CAMK1D: variants seen among roughly 807,000 people sequenced by gnomAD.
CAMK1D encodes the protein calcium/calmodulin-dependent protein kinase type 1D.
Under a neutral mutation model 47.7 loss-of-function variants are expected in CAMK1D, and 9 were observed. The ratio of observed to expected loss-of-function variants is 0.19; its 90% confidence interval spans 0.11 to 0.33. The LOEUF (loss-of-function observed/expected upper bound fraction) is 0.33. CAMK1D is among the 10% of genes least tolerant of loss of function. The pLI, the probability that CAMK1D is intolerant of heterozygous loss-of-function variation, is 1.00. For missense variants in CAMK1D, 291 were observed against 488.7 expected, an observed-to-expected ratio of 0.60 and a Z score of 3.81; for synonymous variants, 184 against 184.9, an observed-to-expected ratio of 0.99 and a Z score of 0.04.
chr10:12,731,543 T>C (rs1243549648), intron 3 of CAMK1D, among the ~76,000 whole-genome samples: 2 of 152,194 alleles, frequency 1.3e-5, no homozygotes, highest in African/African-American at 2.4e-5. Flanking sequence ...GCTGCACTGG[T>C]GCAGGCACAG....
chr10:12,771,676 A>T (rs537776189), intron 5 of CAMK1D, among the ~76,000 whole-genome samples: 4 of 152,310 alleles, frequency 2.6e-5, no homozygotes, highest in African/African-American at 9.6e-5. Context: ...AGGGGGGCTC[A>T]ATTCCCTGGA....
chr10:12,526,973 C>T (rs187168122), intron 1 of CAMK1D, among the ~76,000 whole-genome samples: 4 of 151,334 alleles, frequency 2.6e-5, no homozygotes, highest in East Asian at 1.9e-4. Context: ...ATCGACTGAA[C>T]CAGGAGTTTG....
At chr10:12,826,605 T>A (rs1833218062) in intron 10 of CAMK1D, among the ~76,000 whole-genome samples, 1 of 152,260 alleles carries the variant, frequency 6.6e-6, no homozygotes, top group East Asian at 1.9e-4. Flanking sequence ...GCAGTGGCCC[T>A]AATCTCCCTA....
chr10:12,537,418 C>T (rs564167712), intron 1 of CAMK1D, among the ~76,000 whole-genome samples: 1 of 152,326 alleles, frequency 6.6e-6, no homozygotes, highest in Admixed American at 6.5e-5. Flanking sequence ...TGTAATTTAA[C>T]AGGTATAGCC....
At chr10:12,473,126 C>A (rs1833798574) in intron 1 of CAMK1D, among the ~76,000 whole-genome samples, 1 of 152,044 alleles carries the variant, frequency 6.6e-6, no homozygotes, top group Admixed American at 6.6e-5. Context: ...CAGGTGGAAG[C>A]AATGGTGGAT....
At chr10:12,423,696 A>G (rs1334366566) in intron 1 of CAMK1D, among the ~76,000 whole-genome samples, 1 of 152,206 alleles carries the variant, frequency 6.6e-6, no homozygotes, top group Non-Finnish European at 1.5e-5. Context: ...GATTCAAGCC[A>G]GCTTGAAACG....
chr10:12,483,600 G>A (rs1834125259), intron 1 of CAMK1D, among the ~76,000 whole-genome samples: 1 of 152,174 alleles, frequency 6.6e-6, no homozygotes, highest in Non-Finnish European at 1.5e-5. Context: ...CTGGCCTCAA[G>A]TGATCCTCTC....
chr10:12,523,069 G>A (rs1304038838), intron 1 of CAMK1D, among the ~76,000 whole-genome samples: 3 of 151,780 alleles, frequency 2.0e-5, no homozygotes, highest in Admixed American at 6.6e-5. Context: ...CTTCTCAGTC[G>A]GGGCGGCTGC....
At chr10:12,454,221 G>T (rs568646318) in intron 1 of CAMK1D, among the ~76,000 whole-genome samples, 1 of 152,322 alleles carries the variant, frequency 6.6e-6, no homozygotes, top group South Asian at 2.1e-4. Flanking sequence ...GGAGTGCAGT[G>T]ACGCGATTTC....
rs556273210 is a variant in CAMK1D at position 12,732,669 on chromosome 10, C to T, written c.300-28279C>T. On this transcript the variant is annotated intron_variant, in intron 3 of 10. Transcript: ENST00000619168. Reference sequence around the variant, plus strand: ...TGGGCCCCCATTATTCAATTACCCCCGCCCCCCCCGCCCCCTGTCCCTCCC... The same window carrying T: ...TGGGCCCCCATTATTCAATTACCCCTGCCCCCCCCGCCCCCTGTCCCTCCC... Among the ~76,000 whole-genome samples the T allele has an allele frequency of 9.4e-4, 115 of 122,112 alleles. No individual in the cohort carries two copies. The East Asian group carries it at 0.023, about 24-fold the overall frequency. 80.1% of individuals were successfully genotyped at this position (122,112 alleles called of 152,430 possible).
chr10:12,752,932 A>G (rs944051292), intron 3 of CAMK1D, among the ~76,000 whole-genome samples: 2 of 152,330 alleles, frequency 1.3e-5, no homozygotes, highest in East Asian at 3.9e-4. Context: ...AAATGACTTT[A>G]GTATCGGAAA....
intron 3 of CAMK1D, among the ~76,000 whole-genome samples, chr10:12,727,965 C>T (rs1352422403): frequency 6.6e-6 from 1 of 152,116 alleles, no homozygotes; most frequent in African/African-American, 2.4e-5. Flanking sequence ...GGGATTTCAC[C>T]ATGCTGGCCG....
chr10:12,782,166 C>T (rs547829779), intron 5 of CAMK1D, among the ~76,000 whole-genome samples: 2 of 152,244 alleles, frequency 1.3e-5, no homozygotes, highest in Non-Finnish European at 2.9e-5. Context: ...AGGCAGAGAA[C>T]GCTCCTGTGT....
intron 6 of CAMK1D, among the ~76,000 whole-genome samples, chr10:12,793,581 A>G (rs776217665): frequency 6.6e-6 from 1 of 152,266 alleles, no homozygotes; most frequent in Non-Finnish European, 1.5e-5. Flanking sequence ...CAAGGTATCA[A>G]CCAATTCGTT....
At chr10:12,450,832 A>G (rs1006266513) in intron 1 of CAMK1D, among the ~76,000 whole-genome samples, 3 of 152,086 alleles carry the variant, frequency 2.0e-5, no homozygotes, top group East Asian at 1.9e-4. Context: ...GTCTAAGGAA[A>G]CTCCCATTGT....
At chr10:12,387,445 T>TATA (rs1554763300) in intron 1 of CAMK1D, among the ~76,000 whole-genome samples, 4 of 66,652 alleles carry the variant, frequency 6.0e-5, no homozygotes, top group South Asian at 5.2e-4. Flanking sequence ...TATATATATT[T>TATA]TATATATATA....
intron 1 of CAMK1D, among the ~76,000 whole-genome samples, chr10:12,386,553 C>CTT (rs1338607398): frequency 6.6e-6 from 1 of 151,374 alleles, no homozygotes; most frequent in African/African-American, 2.4e-5. Context: ...ACTCTGCAGA[C>CTT]TTTAAGTTGC....
At chr10:12,466,685 G>C (rs906150512) in intron 1 of CAMK1D, among the ~76,000 whole-genome samples, 4 of 151,372 alleles carry the variant, frequency 2.6e-5, no homozygotes, top group African/African-American at 9.7e-5. Context: ...AAATACTTTG[G>C]TAAGTGCCAT....
In CAMK1D at chr10:12,737,686, C is replaced by T. The variant is rs74118557; in HGVS notation, c.300-23262C>T. Among the ~76,000 whole-genome samples the T allele has an allele frequency of 7.4e-3, 1,129 of 152,172 alleles. 20 individuals are homozygous for T. Among genetic ancestry groups the T allele is most frequent in the African/African-American group, 0.026 (1,070 of 41,510 alleles). ...GTGTATTGGAAATGTTCATTTGTAT[C>T]GTTGAAAATTATCAATAATTGTGAT... is the stretch of plus-strand genomic sequence containing the variant. On this transcript the variant is annotated intron_variant, in intron 3 of 10. Transcript: ENST00000619168.
Sources: gnomAD v4.1 joint callset for allele counts (sites outside exome capture counted in the v4.1 genomes callset) on GRCh38, gnomAD v4.1.1 for gene constraint, MANE v1.5 for transcripts, NCBI Gene and HGNC (gene_info 2026-07-23, HGNC 2026-07-21) for gene names.